MME: variants seen among roughly 807,000 people sequenced by gnomAD.
The protein encoded by MME is neprilysin.
In MME, 98 loss-of-function variants were observed where a neutral mutation model predicts 113.2. The observed-to-expected ratio is 0.87, with a 90% CI of 0.74 to 1.02. The LOEUF (loss-of-function observed/expected upper bound fraction) is 1.02, where lower values mean the gene tolerates loss of function less well. MME is among the 50% of genes least tolerant of loss of function. The pLI, the probability that MME is intolerant of heterozygous loss-of-function variation, is 0.00. For missense variants in MME, 836 were observed against 896.0 expected (o/e 0.93, Z 0.86); for synonymous variants, 292 against 300.6 (o/e 0.97, Z 0.30).
At chr3:155,108,878 G>T (rs1308358485) in intron 3 of MME, among the ~76,000 whole-genome samples, 1 of 152,134 alleles carries the variant, frequency 6.6e-6, no homozygotes, top group East Asian at 1.9e-4. Context: ...TATTGGTAAT[G>T]TTGGAAAGCA....
At chr3:155,061,507 CA>C (rs2108136028) in intron 1 of MME, among the ~76,000 whole-genome samples, 1 of 149,840 alleles carries the variant, frequency 6.7e-6, no homozygotes, top group African/African-American at 2.5e-5. Flanking sequence ...TATTCTGGGA[CA>C]GGAAGTGACA....
chr3:155,074,837 T>C (rs535513406), upstream of MME, among the ~76,000 whole-genome samples: 9 of 152,332 alleles, frequency 5.9e-5, 1 homozygote, highest in African/African-American at 2.2e-4. Context: ...AAATGTGTTA[T>C]GAAAAGTCTT....
chr3:155,076,782 C>T (rs1714763464), upstream of MME, among the ~76,000 whole-genome samples: 1 of 152,158 alleles, frequency 6.6e-6, no homozygotes, highest in Non-Finnish European at 1.5e-5. Flanking sequence ...CTGAGGGTCC[C>T]TCCCCTTTTT....
intron 8 of MME, among the ~76,000 whole-genome samples, chr3:155,133,687 T>TATAC (rs1415357754): frequency 5.7e-5 from 8 of 141,286 alleles, no homozygotes; most frequent in African/African-American, 1.6e-4. Context: ...TATATATATA[T>TATAC]ACCATACATA....
chr3:155,101,447 A>T (rs991310612), intron 3 of MME, among the ~76,000 whole-genome samples: 3 of 152,132 alleles, frequency 2.0e-5, no homozygotes, highest in African/African-American at 7.2e-5. Context: ...ACTGGGGCCA[A>T]GGTCAGTAGC....
In MME at chr3:155,035,146, CGT is replaced by C. The variant is rs1173372511; in HGVS notation, c.-11+10833_-11+10834del. Among the ~76,000 whole-genome samples the C allele has an allele frequency of 3.3e-5, 5 of 151,556 alleles. 1 individual carries two copies. In the East Asian group the frequency reaches 7.7e-4, roughly 23 times the overall value. On this transcript the variant is annotated intron_variant, in intron 1 of 22. Coordinates refer to the MME transcript ENST00000492661. ...CCAAAAAGGGAGAAAAGGAAAAATACGTGTGTGTGTGTTTTCCATGTAATGCT... is the reference window on the plus strand; with the variant it reads ...CCAAAAAGGGAGAAAAGGAAAAATACGTGTGTGTGTTTTCCATGTAATGCT...
At chr3:155,167,642 C>A (rs1723202903) in intron 18 of MME, among the ~76,000 whole-genome samples, 1 of 151,944 alleles carries the variant, frequency 6.6e-6, no homozygotes, top group Non-Finnish European at 1.5e-5. Flanking sequence ...AAGTAGAGAA[C>A]AATAGAGAGA....
chr3:155,062,960 G>C (rs546165252), intron 1 of MME, among the ~76,000 whole-genome samples: 1 of 148,832 alleles, frequency 6.7e-6, no homozygotes, highest in African/African-American at 2.5e-5. Flanking sequence ...CACTGAACCC[G>C]GGAGGTGGAG....
rs183548015 is a variant in MME at position 155,027,783 on chromosome 3, C to G, written c.-11+3459C>G. On this transcript the variant is annotated intron_variant, in intron 1 of 22. Coordinates refer to the MME transcript ENST00000492661. ...TTTACTCTGACAATGAGATTAGGTG[C>G]TTTTTAAACTATATGATTTATAGTT... Among the ~76,000 whole-genome samples the G allele has an allele frequency of 3.9e-5, 6 of 152,144 alleles. No homozygotes were observed. The East Asian group carries it at 1.2e-3, about 29-fold the overall frequency.
intron 14 of MME, among the ~76,000 whole-genome samples, chr3:155,146,121 A>T (rs1721482958): frequency 6.6e-6 from 1 of 152,196 alleles, no homozygotes; most frequent in South Asian, 2.1e-4. Flanking sequence ...TGAGAAAATC[A>T]AGAGAGAAAT....
At chr3:155,108,840 C>T (rs574519546) in intron 3 of MME, among the ~76,000 whole-genome samples, 46 of 152,162 alleles carry the variant, frequency 3.0e-4, no homozygotes, top group African/African-American at 1.1e-3. Context: ...GTGTATAGTG[C>T]CCAAAATCCT....
intron 8 of MME, among the ~76,000 whole-genome samples, chr3:155,133,744 GTA>G (rs1170262759): frequency 6.4e-5 from 9 of 140,046 alleles, no homozygotes; most frequent in Non-Finnish European, 1.1e-4. Context: ...TATATATGGT[GTA>G]TATATATATG....
At chr3:155,069,529 C>G (rs979942051) in intron 1 of MME, among the ~76,000 whole-genome samples, 6 of 152,164 alleles carry the variant, frequency 3.9e-5, no homozygotes, top group African/African-American at 1.4e-4. Flanking sequence ...TTGAAGAGCA[C>G]TAACCTGGCC....
At chr3:155,088,913 C>A (rs921120421) in intron 3 of MME, among the ~76,000 whole-genome samples, 1 of 152,012 alleles carries the variant, frequency 6.6e-6, no homozygotes, top group African/African-American at 2.4e-5. Context: ...AATGTCATAG[C>A]AAATGTACTT....
At chr3:155,042,778 C>T (rs1713370673) in intron 1 of MME, among the ~76,000 whole-genome samples, 1 of 150,780 alleles carries the variant, frequency 6.6e-6, no homozygotes, top group East Asian at 2.0e-4. Context: ...ATGTTTTTGA[C>T]CCTTTACATT....
At position 155,142,229 on chromosome 3, in the gene MME, T is replaced by C; in HGVS notation, c.1095-8T>C. The C allele has an allele frequency of 1.2e-6, 2 of 1,613,526 alleles. No homozygotes were observed. Among genetic ancestry groups the C allele is most frequent in the Non-Finnish European group, 1.7e-6 (2 of 1,179,578 alleles). On this transcript the variant is annotated splice_region_variant and splice_polypyrimidine_tract_variant and intron_variant, in intron 11 of 22. Coordinates refer to ENST00000360490, the MANE Select transcript of MME (RefSeq NM_007289.4). ...TTCTGTTGCTGGGCGGTGGTTTTTT[T>C]TATACAGAGATCTTCAAAATTTAAT...
intron 16 of MME, among the ~76,000 whole-genome samples, chr3:155,151,769 A>T (rs551535287): frequency 3.3e-5 from 5 of 151,340 alleles, no homozygotes; most frequent in Non-Finnish European, 7.4e-5. Context: ...TCTCCATTTT[A>T]AAAAAAAAGT....
chr3:155,144,058 G>A (rs1292614653), intron 13 of MME, among the ~76,000 whole-genome samples: 1 of 152,148 alleles, frequency 6.6e-6, no homozygotes, highest in African/African-American at 2.4e-5. Context: ...TAATGGTAAT[G>A]ACAGCCCTAA....
upstream of MME, among the ~76,000 whole-genome samples, chr3:155,076,352 G>T (rs1018169196): frequency 2.0e-5 from 3 of 152,104 alleles, no homozygotes; most frequent in Non-Finnish European, 4.4e-5. Flanking sequence ...TTTTCACTTT[G>T]CCCTGGACTA....
Sources: allele counts gnomAD v4.1 joint callset (sites outside exome capture counted in the v4.1 genomes callset), GRCh38; gene constraint gnomAD v4.1.1; transcripts MANE v1.5; gene names NCBI Gene and HGNC (gene_info 2026-07-23, HGNC 2026-07-21).